Variants in HEATR1 observed in about 807,000 individuals in gnomAD.
HEATR1 encodes the protein HEAT repeat-containing protein 1.
Under a neutral mutation model 248.2 loss-of-function variants are expected in HEATR1, and 77 were observed. The ratio of observed to expected loss-of-function variants is 0.31; its 90% confidence interval spans 0.26 to 0.37. HEATR1 has a LOEUF of 0.37. Among genes scored for constraint, HEATR1 ranks in the 10% least tolerant of loss-of-function variants. The pLI is 1.00. For missense variants in HEATR1, 2,420 were observed against 2,504.9 expected, an observed-to-expected ratio of 0.97 and a Z score of 0.72; for synonymous variants, 897 against 923.1, an observed-to-expected ratio of 0.97 and a Z score of 0.51.
chr1:236,572,052 T>C (rs1663443580), intron 26 of HEATR1, among the ~76,000 whole-genome samples: 1 of 152,194 alleles, frequency 6.6e-6, no homozygotes, highest in Non-Finnish European at 1.5e-5. Flanking sequence ...TATATACATC[T>C]ATATATATGA....
rs1285235940 is a variant in HEATR1, at chr1:236,550,315, G to C, written c.*587C>G. 2.0e-5 allele frequency: 3 copies of C among 152,086 alleles called. No individual in the cohort carries two copies. The highest frequency in any genetic ancestry group is 4.4e-5 in the Non-Finnish European group (3 of 68,042). 9.4% of individuals were successfully genotyped at this position (152,086 alleles called of 1,614,324 possible). ...CTCTCCCGTTTCCCAAAAGAACAAA[G>C]GATAAAGGTGACAGTCACACTCCTG... is the stretch of plus-strand genomic sequence containing the variant. On this transcript the variant is annotated 3_prime_UTR_variant, in exon 45 of 45. Transcript: ENST00000366582.
In HEATR1 at chr1:236,556,234, T is replaced by G; in HGVS notation, c.5380A>C (p.Ser1794Arg). ...GCCTGTGACGCAGAACCCATTTCAC[T>G]AGTGATTTTCTCCAGATGAATCACC... ...SQVIHLEKIT[S>R]EMGSASQANI... Residue 1794 changes from serine (S) to arginine (R), a missense_variant, in exon 38 of 45, where the codon AGT becomes CGT. Ser to Arg is a moderately radical substitution (Grantham distance 110). Coordinates refer to ENST00000366582, the MANE Select transcript of HEATR1 (RefSeq NM_018072.6). 1.2e-6 allele frequency: 2 copies of G among 1,614,158 alleles called. No individual in the cohort carries two copies. Among genetic ancestry groups the G allele is most frequent in the Admixed American group, 3.3e-5 (2 of 60,016 alleles).
At chr1:236,564,831 G>GT (rs971784665) in intron 31 of HEATR1, among the ~76,000 whole-genome samples, 170 bp from the exon 32 acceptor site, 4 of 149,932 alleles carry the variant, frequency 2.7e-5, no homozygotes, top group African/African-American at 9.7e-5. Flanking sequence ...AGTGAAAAAC[G>GT]TGAGTGTATT....
rs535809628 is a variant in HEATR1, at chr1:236,553,718, C to G, written c.6100G>C (p.Glu2034Gln). 73 of 1,612,904 alleles carry G rather than the reference C, an allele frequency of 4.5e-5. No homozygotes were observed. In the South Asian group the frequency reaches 8.0e-4, roughly 18 times the overall value. The change falls in exon 43 of 45, where the codon GAA (glutamate) becomes CAA (glutamine). Residue 2034 changes from glutamate (E) to glutamine (Q), a missense_variant. By Grantham distance (29) the Glu-to-Gln change is conservative (BLOSUM62 2). Transcript: ENST00000366582. ...GTCACCCGTTCCTGGAATTTCTCTT[C>G]TCCCCCAAGCCTGTTTTCCAGCTAG... ...VDQLENRLGG[E>Q]EKFQERVTKH...
chr1:236,565,255 C>T (rs1009721759), intron 31 of HEATR1, among the ~76,000 whole-genome samples: 2 of 152,214 alleles, frequency 1.3e-5, no homozygotes, highest in Non-Finnish European at 1.5e-5. Context: ...TTCCTTCTAA[C>T]GTGCCTTGTC....
intron 31 of HEATR1, among the ~76,000 whole-genome samples, chr1:236,564,871 A>C (rs1457748122): frequency 6.6e-6 from 1 of 152,236 alleles, no homozygotes; most frequent in Non-Finnish European, 1.5e-5. Flanking sequence ...GGCCCTGAGA[A>C]GCGAGTGTTT....
chr1:236,602,823 C>A, intron 3 of HEATR1: 1 of 197,796 alleles, frequency 5.1e-6, no homozygotes, highest in Non-Finnish European at 1.0e-5. Flanking sequence ...ACTTGGGAGG[C>A]TGAGGTGGGA....
chr1:236,568,901 A>AAC lies in HEATR1; in HGVS notation c.4077+94_4077+95insGT, dbSNP rs199572039. On this transcript the variant is annotated intron_variant, in intron 29 of 44. Transcript: ENST00000366582. ...TGAGGATATTAAAAAAAAAAAACAA[A>AAC]AAAAAAAAACTAAAAAAAAGGCTTT... 5,482 of 891,642 alleles carry AAC rather than the reference A, an allele frequency of 6.1e-3. 244 individuals carry two copies. In the African/African-American group the frequency reaches 0.087, roughly 14 times the overall value. 55.2% of individuals were successfully genotyped at this position (891,642 alleles called of 1,614,324 possible). A position where few individuals can be genotyped will look rare whatever the true frequency, so the allele number is the denominator to read the frequency against.
chr1:236,551,638 A>G (rs1423710523), intron 44 of HEATR1: 1 of 180,636 alleles, frequency 5.5e-6, no homozygotes, highest in Non-Finnish European at 1.1e-5. Flanking sequence ...GCCACTAGGC[A>G]TTTCCATACA....
intron 11 of HEATR1, among the ~76,000 whole-genome samples, chr1:236,591,781 G>A (rs914820919): frequency 3.9e-5 from 6 of 152,092 alleles, no homozygotes; most frequent in Admixed American, 1.3e-4. Flanking sequence ...TAAGTATCAC[G>A]TTCATAGTTA....
At chr1:236,577,925 C>T (rs936373692) in intron 20 of HEATR1, among the ~76,000 whole-genome samples, 2 of 152,176 alleles carry the variant, frequency 1.3e-5, no homozygotes, top group Admixed American at 6.5e-5. Flanking sequence ...CACATACAGC[C>T]TTGTACAAGC....
At position 236,576,739 on chromosome 1, in the gene HEATR1, G is replaced by C. The variant is rs6658793; in HGVS notation, c.2925+41C>G. ...ATGGAGAAAATTGCTCCAGTACACA[G>C]AGGCATGAACACACTCAATCTTCTT... is the stretch of plus-strand genomic sequence containing the variant. On this transcript the variant is annotated intron_variant, in intron 21 of 44. Transcript: ENST00000366582. The C allele has an allele frequency of 0.69, 1,076,427 of 1,552,438 alleles. 378,204 individuals carry two copies. The highest frequency in any genetic ancestry group is 0.72 in the Non-Finnish European group (829,447 of 1,145,344).
rs535793887 is a variant in HEATR1, at chr1:236,599,388, G to T, written c.501+95C>A. ...TAAAAATGATGGAGGTAGTTATCTG[G>T]ACTATCCCCAGGAGCAATGACTTAT... is the stretch of plus-strand genomic sequence containing the variant. On this transcript the variant is annotated intron_variant, in intron 4 of 44. Coordinates refer to ENST00000366582, the MANE Select transcript of HEATR1 (RefSeq NM_018072.6). 8.0e-5 allele frequency: 75 copies of T among 939,186 alleles called. No homozygotes were observed. In the South Asian group the frequency reaches 1.6e-3, roughly 20 times the overall value. 58.2% of individuals were successfully genotyped at this position (939,186 alleles called of 1,614,324 possible).
chr1:236,571,205 A>C (rs1162206005), intron 28 of HEATR1, 146 bp downstream of exon 28: 2 of 977,118 alleles, frequency 2.0e-6, no homozygotes, highest in Admixed American at 3.3e-5. Context: ...AGTCCCAGCT[A>C]TGAAGAGGCA....
At chr1:236,603,684 C>G (rs1664388849) in intron 2 of HEATR1, among the ~76,000 whole-genome samples, 1 of 151,724 alleles carries the variant, frequency 6.6e-6, no homozygotes, top group Non-Finnish European at 1.5e-5. Flanking sequence ...CCTCCATCCC[C>G]CTTTTAGCTG....
At chr1:236,557,064 T>C (rs1466294491) in intron 37 of HEATR1, 131 bp downstream of exon 37, 1 of 910,258 alleles carries the variant, frequency 1.1e-6, no homozygotes, top group Non-Finnish European at 1.6e-6. Context: ...AGCAAGCACA[T>C]CTCTTCAGAA....
intron 17 of HEATR1, among the ~76,000 whole-genome samples, chr1:236,584,556 A>G (rs1334472354): frequency 6.6e-6 from 1 of 152,256 alleles, no homozygotes; most frequent in Non-Finnish European, 1.5e-5. Context: ...AAATGTAAAC[A>G]GCTGAAACAT....
rs147383856 is a variant in HEATR1, at chr1:236,581,326, C to T, written c.2651G>A (p.Ser884Asn). The change falls in exon 20 of 45, where the codon AGT becomes AAT. Residue 884 changes from serine to asparagine, a missense_variant. By Grantham distance (46) the Ser-to-Asn change is conservative. Transcript: ENST00000366582. ...GSSLSNPLNC[S>N]VKTVLQTQAL... ...TTGAGTCTGCAGCACTGTTTTCACA[C>T]TGCAGTTTAGTGGATTTGAAAGGCT... 0.014 allele frequency: 23,284 copies of T among 1,612,170 alleles called. 221 individuals are homozygous for T. Among genetic ancestry groups the T allele is most frequent in the Non-Finnish European group, 0.017 (20,196 of 1,179,266 alleles).
At chr1:236,551,567 CA>C (rs1274214940) in intron 44 of HEATR1, 8 of 160,750 alleles carry the variant, frequency 5.0e-5, no homozygotes, top group Non-Finnish European at 1.1e-4. Context: ...AAGCACCTAA[CA>C]TGGAGTAGTG....
Sources: allele counts gnomAD v4.1 joint callset (sites outside exome capture counted in the v4.1 genomes callset), GRCh38; gene constraint gnomAD v4.1.1; transcripts MANE v1.5; gene names NCBI Gene and HGNC (gene_info 2026-07-23, HGNC 2026-07-21).